Variants in CSMD1 observed in about 807,000 individuals in gnomAD.
The protein encoded by CSMD1 is CUB and Sushi multiple domains 1, also known as CUB and sushi domain-containing protein 1.
A neutral mutation model predicts 417.5 loss-of-function variants in CSMD1; 213 were observed. The observed-to-expected ratio is 0.51, with a 90% CI of 0.46 to 0.57. CSMD1 has a LOEUF of 0.57. Ranked by LOEUF, CSMD1 falls within the 20% of genes least tolerant of loss-of-function variation. The pLI is 0.00. For missense variants in CSMD1, 6,923 were observed against 4,529.7 expected (o/e 1.53, Z -15.17); for synonymous variants, 2,862 against 1,736.8 (o/e 1.65, Z -16.11).
chr8:4,104,244 G>A (rs939214123), intron 3 of CSMD1, among the ~76,000 whole-genome samples: 10 of 152,340 alleles, frequency 6.6e-5, no homozygotes, highest in Admixed American at 4.6e-4. Flanking sequence ...TAGAGACATA[G>A]ATACATAATG....
intron 1 of CSMD1, among the ~76,000 whole-genome samples, chr8:4,785,255 T>G (rs183470961): frequency 6.6e-6 from 1 of 152,106 alleles, no homozygotes; most frequent in East Asian, 1.9e-4. Context: ...CATGAGGAGG[T>G]GAACATTGGC....
chr8:4,897,512 A>G (rs1013051363), intron 1 of CSMD1, among the ~76,000 whole-genome samples: 1 of 152,100 alleles, frequency 6.6e-6, no homozygotes, highest in Admixed American at 6.5e-5. Flanking sequence ...AACCTCTCAT[A>G]TCCTATTCGG....
intron 3 of CSMD1, among the ~76,000 whole-genome samples, chr8:4,178,195 G>C (rs541734085): frequency 6.6e-6 from 1 of 152,130 alleles, no homozygotes; most frequent in South Asian, 2.1e-4. Flanking sequence ...GATACTGGCA[G>C]ACCGAATCCA....
intron 1 of CSMD1, among the ~76,000 whole-genome samples, chr8:4,806,879 T>C (rs1021164017): frequency 2.0e-5 from 3 of 152,136 alleles, no homozygotes; most frequent in Admixed American, 2.0e-4. Flanking sequence ...TGAAAGATGG[T>C]CTTACCCTTC....
At chr8:3,360,383 T>C (rs749973724) in intron 20 of CSMD1, among the ~76,000 whole-genome samples, 2 of 152,256 alleles carry the variant, frequency 1.3e-5, no homozygotes, top group Non-Finnish European at 2.9e-5. Context: ...GTACGTATAA[T>C]TGAGCTCTGG....
chr8:4,336,291 A>G (rs1433757686), intron 3 of CSMD1, among the ~76,000 whole-genome samples: 1 of 152,132 alleles, frequency 6.6e-6, no homozygotes, highest in African/African-American at 2.4e-5. Flanking sequence ...CAGAAGCTTT[A>G]CTTTTAATGC....
At chr8:4,220,863 T>C (rs1444029969) in intron 3 of CSMD1, among the ~76,000 whole-genome samples, 2 of 152,062 alleles carry the variant, frequency 1.3e-5, no homozygotes, top group Admixed American at 1.3e-4. Context: ...TAGCTTGGGG[T>C]AACAAGTAAG....
chr8:3,660,547 A>T lies in CSMD1; in HGVS notation c.1010-43750T>A, dbSNP rs13251055. Among the ~76,000 whole-genome samples, 6 of 71,746 alleles carry T rather than the reference A, an allele frequency of 8.4e-5. 2 individuals are homozygous for T. Among genetic ancestry groups the T allele is most frequent in the African/African-American group, 1.8e-4 (3 of 17,138 alleles). 47.1% of individuals were successfully genotyped at this position (71,746 alleles called of 152,430 possible). A position where few individuals can be genotyped will look rare whatever the true frequency, so the allele number is the denominator to read the frequency against. On this transcript the variant is annotated intron_variant, in intron 7 of 69. Coordinates refer to ENST00000635120, the MANE Select transcript of CSMD1 (RefSeq NM_033225.6). Reference sequence around the variant, plus strand: ...TTTTTTTTTTTTTTTTTGAAAAAAAACAAGGCCCTGCAGTCCAGGCAAGAG... The same window carrying T: ...TTTTTTTTTTTTTTTTTGAAAAAAATCAAGGCCCTGCAGTCCAGGCAAGAG...
At chr8:4,045,979 G>C (rs941657210) in intron 3 of CSMD1, among the ~76,000 whole-genome samples, 1 of 152,040 alleles carries the variant, frequency 6.6e-6, no homozygotes, top group Non-Finnish European at 1.5e-5. Flanking sequence ...TTCCTGTGAA[G>C]TGGATATAAT....
At chr8:4,085,043 G>C (rs866956923) in intron 3 of CSMD1, among the ~76,000 whole-genome samples, 9 of 152,136 alleles carry the variant, frequency 5.9e-5, no homozygotes, top group Admixed American at 2.6e-4. Flanking sequence ...AAATTCTAAA[G>C]TTCATAAGCA....
chr8:3,292,981 T>G (rs554562089), intron 25 of CSMD1, among the ~76,000 whole-genome samples: 2 of 152,152 alleles, frequency 1.3e-5, no homozygotes, highest in African/African-American at 2.4e-5. Context: ...TTCCTTTCCA[T>G]GTTTAGTGCT....
At chr8:3,255,385 C>T (rs919512589) in intron 26 of CSMD1, among the ~76,000 whole-genome samples, 1 of 152,174 alleles carries the variant, frequency 6.6e-6, no homozygotes, top group Non-Finnish European at 1.5e-5. Flanking sequence ...AACCACTACT[C>T]TATGTAAAGC....
intron 10 of CSMD1, among the ~76,000 whole-genome samples, chr8:3,559,275 C>T (rs1461238695): frequency 6.6e-6 from 1 of 152,116 alleles, no homozygotes; most frequent in Non-Finnish European, 1.5e-5. Flanking sequence ...GAAATAACTG[C>T]CCTTGGTGTG....
intron 5 of CSMD1, among the ~76,000 whole-genome samples, chr8:3,859,163 C>A (rs886242384): frequency 6.6e-6 from 1 of 152,168 alleles, no homozygotes; most frequent in Non-Finnish European, 1.5e-5. Flanking sequence ...AGCACTGTGC[C>A]AGACACACAA....
intron 1 of CSMD1, among the ~76,000 whole-genome samples, chr8:4,809,321 G>C (rs539860278): frequency 6.6e-6 from 1 of 152,144 alleles, no homozygotes; most frequent in Non-Finnish European, 1.5e-5. Flanking sequence ...TACATCTATA[G>C]CAAGAGTTTC....
chr8:3,582,981 G>C (rs1800445805), intron 9 of CSMD1, among the ~76,000 whole-genome samples: 1 of 152,122 alleles, frequency 6.6e-6, no homozygotes, highest in Admixed American at 6.5e-5. Flanking sequence ...CTAAGTTAAG[G>C]AGATTATTTT....
At chr8:4,668,291 A>G (rs1362532394) in intron 1 of CSMD1, among the ~76,000 whole-genome samples, 1 of 151,948 alleles carries the variant, frequency 6.6e-6, no homozygotes, top group African/African-American at 2.4e-5. Context: ...AGGCTTTTCC[A>G]TTTTGTAACT....
intron 7 of CSMD1, among the ~76,000 whole-genome samples, chr8:3,687,510 T>C (rs1799999942): frequency 6.6e-6 from 1 of 152,236 alleles, no homozygotes; most frequent in South Asian, 2.1e-4. Flanking sequence ...ACCATCTCAA[T>C]TTTAATTTTC....
intron 3 of CSMD1, among the ~76,000 whole-genome samples, chr8:4,150,386 C>G (rs115148839): frequency 0.027 from 4,108 of 152,238 alleles, 190 homozygotes; most frequent in African/African-American, 0.091. Flanking sequence ...GCCTGGCTAC[C>G]TTTGGAAGTA....
Sources: gnomAD v4.1 joint callset for allele counts (sites outside exome capture counted in the v4.1 genomes callset) on GRCh38, gnomAD v4.1.1 for gene constraint, MANE v1.5 for transcripts, NCBI Gene and HGNC (gene_info 2026-07-23, HGNC 2026-07-21) for gene names.